HERC1: variants seen among roughly 807,000 people sequenced by gnomAD.
HERC1 encodes the protein HECT and RLD domain containing E3 ubiquitin protein ligase family member 1, also known as probable E3 ubiquitin-protein ligase HERC1.
In HERC1, 160 loss-of-function variants were observed where a neutral mutation model predicts 554.3. That is an observed-to-expected ratio of 0.29 (90% CI 0.25 to 0.33). The LOEUF (loss-of-function observed/expected upper bound fraction) is 0.33. HERC1 is among the 10% of genes least tolerant of loss of function. The probability of loss-of-function intolerance (pLI) is 1.00; values close to 1 mark genes in which losing one functional copy is unlikely to be tolerated. For synonymous variants in HERC1, 2,175 were observed against 2,131.7 expected (o/e 1.02, Z -0.56); for missense variants, 4,919 against 5,918.5 (o/e 0.83, Z 5.54).
chr15:63,701,793 G>T (rs1359467255), intron 25 of HERC1, among the ~76,000 whole-genome samples: 1 of 151,580 alleles, frequency 6.6e-6, no homozygotes, highest in South Asian at 2.1e-4. Context: ...TTATAATATG[G>T]AAATGGGAGA....
At chr15:63,786,917 A>AC in intron 1 of HERC1, among the ~76,000 whole-genome samples, 1 of 126,978 alleles carries the variant, frequency 7.9e-6, no homozygotes, top group African/African-American at 3.2e-5. Flanking sequence ...TCAATAAATT[A>AC]TTATTTTTTT....
intron 14 of HERC1, among the ~76,000 whole-genome samples, chr15:63,731,374 T>G (rs1049114787): frequency 3.3e-5 from 5 of 152,214 alleles, no homozygotes; most frequent in African/African-American, 1.2e-4. Flanking sequence ...GAGACAATAA[T>G]TTATTATTTC....
At chr15:63,830,113 G>A (rs1345731195) in intron 1 of HERC1, among the ~76,000 whole-genome samples, 1 of 152,162 alleles carries the variant, frequency 6.6e-6, no homozygotes, top group African/African-American at 2.4e-5. Context: ...ATCAATGGGA[G>A]AAAGTTTGAG....
chr15:63,732,278 G>C (rs1437045951), intron 14 of HERC1, among the ~76,000 whole-genome samples: 5 of 152,130 alleles, frequency 3.3e-5, no homozygotes, highest in Admixed American at 3.3e-4. Context: ...TGAGATTACA[G>C]GCATAAGACA....
intron 25 of HERC1, among the ~76,000 whole-genome samples, chr15:63,705,086 C>G (rs2072932947): frequency 6.6e-6 from 1 of 151,904 alleles, no homozygotes; most frequent in Non-Finnish European, 1.5e-5. Flanking sequence ...ATGTTATGGT[C>G]TCAAAAGACT....
intron 18 of HERC1, among the ~76,000 whole-genome samples, chr15:63,724,109 A>C (rs1478657190): frequency 6.6e-6 from 1 of 152,228 alleles, no homozygotes; most frequent in African/African-American, 2.4e-5. Flanking sequence ...ATAACTTAAA[A>C]AGTGAAAAAT....
At position 63,660,960 on chromosome 15, in the gene HERC1, CA is replaced by C. The variant is rs2070327703; in HGVS notation, c.9223+12del. 6.3e-7 allele frequency: 1 copy of C among 1,576,402 alleles called. No individual in the cohort carries two copies. Among genetic ancestry groups the C allele is most frequent in the Non-Finnish European group, 8.7e-7 (1 of 1,146,606 alleles). On this transcript the variant is annotated intron_variant, in intron 46 of 77. Transcript: ENST00000443617. ...AAAACATGTAAAATAAAGAAGCTCT[CA>C]AAACAAACTACCTTCATACACACTG...
rs184585453 is a variant in HERC1 at position 63,807,475 on chromosome 15, T to A, written c.-27+26352A>T. 1.6e-3 allele frequency among the ~76,000 whole-genome samples: 244 copies of A among 152,312 alleles called. 1 individual carries two copies. The highest frequency in any genetic ancestry group is 5.7e-3 in the African/African-American group (235 of 41,560). On this transcript the variant is annotated intron_variant, in intron 1 of 77. Transcript: ENST00000443617. ...ATCAGTTTCCAGTGTTCCTCTTCTT[T>A]TCCCCTCAGACTTAAAAGTGTACTA...
chr15:63,685,187 G>A (rs1208939024), intron 34 of HERC1, among the ~76,000 whole-genome samples: 1 of 152,196 alleles, frequency 6.6e-6, no homozygotes, highest in Admixed American at 6.5e-5. Context: ...CCACACTCTT[G>A]AGGCAGGAAT....
intron 54 of HERC1, among the ~76,000 whole-genome samples, chr15:63,648,847 A>G (rs1416857266): frequency 2.0e-5 from 3 of 152,098 alleles, no homozygotes; most frequent in African/African-American, 7.2e-5. Flanking sequence ...AACAAAACAA[A>G]CCTCTTCTGT....
chr15:63,655,963 A>C lies in HERC1; in HGVS notation c.9871-8T>G. The C allele has an allele frequency of 6.2e-7, 1 of 1,606,930 alleles. No homozygotes were observed. The highest frequency in any genetic ancestry group is 8.5e-7 in the Non-Finnish European group (1 of 1,175,396). On this transcript the variant is annotated splice_region_variant and splice_polypyrimidine_tract_variant and intron_variant, in intron 49 of 77. Coordinates refer to ENST00000443617, the MANE Select transcript of HERC1 (RefSeq NM_003922.4). ...TGCAGCAGAAATCAAGTTCTGAAGA[A>C]GCAATTGGAAAAACAGACTTAATTT...
At chr15:63,715,658 T>C (rs1006814819) in intron 22 of HERC1, among the ~76,000 whole-genome samples, 2 of 152,184 alleles carry the variant, frequency 1.3e-5, no homozygotes, top group African/African-American at 2.4e-5. Flanking sequence ...ACCGACTGAA[T>C]GCACACTTTA....
chr15:63,720,140 G>A (rs1484413915), intron 19 of HERC1, among the ~76,000 whole-genome samples: 1 of 45,052 alleles, frequency 2.2e-5, no homozygotes, highest in Admixed American at 2.5e-4. Context: ...TCTCACTCCT[G>A]CTGTCCAGGC....
At chr15:63,642,558 G>C (rs2069122014) in intron 59 of HERC1, among the ~76,000 whole-genome samples, 2 of 152,132 alleles carry the variant, frequency 1.3e-5, no homozygotes, top group Non-Finnish European at 2.9e-5. Context: ...AGCTGGTCTT[G>C]AACTCAGGAC....
At chr15:63,611,702 G>T (rs927216097) in intron 77 of HERC1, among the ~76,000 whole-genome samples, 1 of 152,210 alleles carries the variant, frequency 6.6e-6, no homozygotes, top group African/African-American at 2.4e-5. Context: ...GGAAGATTTA[G>T]GGAAGGTTGT....
intron 74 of HERC1, among the ~76,000 whole-genome samples, chr15:63,621,637 T>C (rs2068082643): frequency 1.3e-5 from 2 of 152,218 alleles, no homozygotes; most frequent in Admixed American, 6.5e-5. Context: ...CAATCAGATG[T>C]AGATTTGGTC....
Position 63,645,040 on chromosome 15 carries a change from G to T in HERC1, c.11136C>A (p.Thr3712=). 6.2e-7 allele frequency: 1 copy of T among 1,613,620 alleles called. No individual in the cohort carries two copies. Among genetic ancestry groups the T allele is most frequent in the Non-Finnish European group, 8.5e-7 (1 of 1,179,724 alleles). ...VWRIPQDTTQ[T]NVTSAEGWWE... ...ACCATCCTTCTGCACTAGTCACATT[G>T]GTCTGTGTAGTATCTTGAGGAATGC... The change falls in exon 57 of 78, where the codon ACC becomes ACA. Residue 3712 remains threonine, a synonymous_variant. Coordinates refer to ENST00000443617, the MANE Select transcript of HERC1 (RefSeq NM_003922.4).
At chr15:63,630,868 A>T (rs928992004) in intron 68 of HERC1, among the ~76,000 whole-genome samples, 1 of 152,336 alleles carries the variant, frequency 6.6e-6, no homozygotes, top group Admixed American at 6.5e-5. Flanking sequence ...AAAATTTTTT[A>T]AAAAGTTGTA....
chr15:63,800,786 G>A (rs918166395), intron 1 of HERC1, among the ~76,000 whole-genome samples: 2 of 152,080 alleles, frequency 1.3e-5, no homozygotes, highest in African/African-American at 4.8e-5. Flanking sequence ...TTTGTTATTC[G>A]TAACAAGCCC....
Sources: allele counts gnomAD v4.1 joint callset (sites outside exome capture counted in the v4.1 genomes callset), GRCh38; gene constraint gnomAD v4.1.1; transcripts MANE v1.5; gene names NCBI Gene and HGNC (gene_info 2026-07-23, HGNC 2026-07-21).